RAB3C: variants seen among roughly 807,000 people sequenced by gnomAD.
The protein encoded by RAB3C is RAB3C, member RAS oncogene family.
In RAB3C, 17 loss-of-function variants were observed where a neutral mutation model predicts 26.4. The ratio of observed to expected loss-of-function variants is 0.64; its 90% CI spans 0.44 to 0.97. The LOEUF (loss-of-function observed/expected upper bound fraction) is 0.97, where lower values mean the gene tolerates loss of function less well. Ranked by LOEUF, RAB3C falls within the 50% of genes least tolerant of loss-of-function variation. The pLI, the probability that RAB3C is intolerant of heterozygous loss-of-function variation, is 0.00. For synonymous variants in RAB3C, 91 were observed against 95.9 expected, an observed-to-expected ratio of 0.95 and a Z score of 0.30; for missense variants, 242 against 281.9, an observed-to-expected ratio of 0.86 and a Z score of 1.01.
chr5:58,726,132 C>A lies in RAB3C; in HGVS notation c.371+12C>A, dbSNP rs1407423550. 7.6e-7 allele frequency: 1 copy of A among 1,311,262 alleles called. No individual in the cohort carries two copies. 81.2% of individuals were successfully genotyped at this position (1,311,262 alleles called of 1,614,324 possible). ...GCAGTACAAGATTGGTAAGTCAGAG[C>A]AAATACTCTTATTACTGATAATGAT... On this transcript the variant is annotated intron_variant, in intron 3 of 4. Coordinates refer to ENST00000282878, the MANE Select transcript of RAB3C (RefSeq NM_138453.4).
At chr5:58,676,490 A>T (rs902338249) in intron 2 of RAB3C, among the ~76,000 whole-genome samples, 9 of 152,048 alleles carry the variant, frequency 5.9e-5, no homozygotes, top group Non-Finnish European at 1.2e-4. Context: ...GCAACAGAGC[A>T]AGACTCTGTT....
intron 3 of RAB3C, chr5:58,794,315 C>A (rs1579921833): frequency 1.4e-5 from 2 of 144,888 alleles, no homozygotes; most frequent in African/African-American, 5.2e-5. Flanking sequence ...TAAAAGAAAA[C>A]AGAGGAAGAA....
chr5:58,652,563 A>G (rs1289008769), intron 2 of RAB3C, among the ~76,000 whole-genome samples: 5 of 152,036 alleles, frequency 3.3e-5, no homozygotes, highest in African/African-American at 1.2e-4. Context: ...AGAGGCTGCT[A>G]TTATTCCACC....
At chr5:58,685,971 GAAA>G (rs1159521182) in intron 2 of RAB3C, among the ~76,000 whole-genome samples, 1 of 149,280 alleles carries the variant, frequency 6.7e-6, no homozygotes, top group Non-Finnish European at 1.5e-5. Flanking sequence ...TAATCTGCAG[GAAA>G]TAATTTTAAA....
chr5:58,840,152 C>T (rs1305113975), intron 4 of RAB3C, among the ~76,000 whole-genome samples: 2 of 151,690 alleles, frequency 1.3e-5, no homozygotes, highest in Non-Finnish European at 2.9e-5. Flanking sequence ...GTCCTGTAGG[C>T]TTTATTTATT....
At chr5:58,612,550 A>ATATATATATATATATG (rs1402111652) in intron 1 of RAB3C, among the ~76,000 whole-genome samples, 70 of 91,732 alleles carry the variant, frequency 7.6e-4, no homozygotes, top group African/African-American at 2.9e-3. Flanking sequence ...ATATATATGT[A>ATATATATATATATATG]TATATATATA....
chr5:58,720,178 T>A (rs936299508), intron 2 of RAB3C, among the ~76,000 whole-genome samples: 3 of 151,972 alleles, frequency 2.0e-5, no homozygotes, highest in Non-Finnish European at 4.4e-5. Context: ...GAGTTATGTT[T>A]CATTACTAAT....
Position 58,638,476 on chromosome 5 carries a change from T to A in RAB3C, c.252+20606T>A, listed in dbSNP as rs367552867. ...TCATGGAGTTATATTTATCAATTAT[T>A]TTCTTAAAAATAAATGTATCCAAAA... On this transcript the variant is annotated intron_variant, in intron 2 of 4. Transcript: ENST00000282878. Among the ~76,000 whole-genome samples the A allele has an allele frequency of 7.6e-4, 115 of 152,286 alleles. 3 individuals are homozygous for A. In the South Asian group the frequency reaches 0.023, roughly 30 times the overall value.
Position 58,663,281 on chromosome 5 carries a change from T to C in RAB3C, c.252+45411T>C, listed in dbSNP as rs901974234. Among the ~76,000 whole-genome samples, 6 of 150,058 alleles carry C rather than the reference T, an allele frequency of 4.0e-5. 1 individual carries two copies. Among genetic ancestry groups the C allele is most frequent in the African/African-American group, 1.5e-4 (6 of 39,442 alleles). On this transcript the variant is annotated intron_variant, in intron 2 of 4. Transcript: ENST00000282878. Reference sequence around the variant, plus strand: ...TGCTTTTATCTGTAGACATTATATATGTAAAGATAAGGCTTTGTTGACCAC... The same window carrying C: ...TGCTTTTATCTGTAGACATTATATACGTAAAGATAAGGCTTTGTTGACCAC...
chr5:58,824,908 C>A, intron 3 of RAB3C, 130 bp from the exon 4 acceptor site: 1 of 620,762 alleles, frequency 1.6e-6, no homozygotes, highest in Non-Finnish European at 2.8e-6. Context: ...CTCTAAATGT[C>A]AGGCATTTGG....
chr5:58,758,687 T>G (rs1400970631), intron 3 of RAB3C, among the ~76,000 whole-genome samples: 2 of 152,094 alleles, frequency 1.3e-5, no homozygotes, highest in African/African-American at 2.4e-5. Context: ...TGAAAGGTGT[T>G]TTAAAAGGAA....
rs368310843 is a variant in RAB3C at position 58,767,759 on chromosome 5, C to T, written c.371+41639C>T. 3.4e-4 allele frequency among the ~76,000 whole-genome samples: 52 copies of T among 152,266 alleles called. No individual in the cohort carries two copies. In the South Asian group the frequency reaches 9.3e-3, roughly 27 times the overall value. ...TCACCAAATATTTACTAATCACCTACTATTATGTCACGCATTGTTCTAGGC... is the reference window on the plus strand; with the variant it reads ...TCACCAAATATTTACTAATCACCTATTATTATGTCACGCATTGTTCTAGGC... On this transcript the variant is annotated intron_variant, in intron 3 of 4. Coordinates refer to ENST00000282878, the MANE Select transcript of RAB3C (RefSeq NM_138453.4).
intron 2 of RAB3C, among the ~76,000 whole-genome samples, chr5:58,652,444 T>C (rs775731407): frequency 4.5e-4 from 68 of 151,824 alleles, no homozygotes; most frequent in Non-Finnish European, 6.0e-4. Context: ...TAAAATGTAA[T>C]GAGTTATATT....
At chr5:58,750,689 G>GTTGTA (rs1741502508) in intron 3 of RAB3C, among the ~76,000 whole-genome samples, 1 of 152,116 alleles carries the variant, frequency 6.6e-6, no homozygotes, top group Non-Finnish European at 1.5e-5. Flanking sequence ...GATTCCCCTA[G>GTTGTA]TCAATAGAGT....
intron 2 of RAB3C, among the ~76,000 whole-genome samples, chr5:58,715,019 T>C (rs1749139650): frequency 6.6e-6 from 1 of 152,004 alleles, no homozygotes; most frequent in African/African-American, 2.4e-5. Context: ...TGAAAAGGAC[T>C]TAGAAAATGT....
chr5:58,617,762 C>T lies in RAB3C; in HGVS notation c.144C>T (p.Phe48=). ...NSSVGKTSFL[F]RYADDSFTSA... The stretch of plus-strand genomic sequence containing the variant: ...GTGTGGGGAAAACATCTTTTCTATT[C>T]CGTTATGCAGATGACTCCTTTACAT... Residue 48 remains phenylalanine (F), a synonymous_variant, in exon 2 of 5, where the codon TTC becomes TTT. Transcript: ENST00000282878. 6.2e-7 allele frequency: 1 copy of T among 1,613,720 alleles called. No homozygotes were observed. The highest frequency in any genetic ancestry group is 2.2e-5 in the East Asian group (1 of 44,878).
At chr5:58,849,232 T>G (rs1350379853) in intron 4 of RAB3C, among the ~76,000 whole-genome samples, 1 of 152,202 alleles carries the variant, frequency 6.6e-6, no homozygotes, top group Admixed American at 6.5e-5. Flanking sequence ...AAAATTGAAC[T>G]TGTAAATGAG....
In RAB3C at chr5:58,664,959, T is replaced by A. The variant is rs575484024; in HGVS notation, c.252+47089T>A. ...TGTTCCCACCTTAGGATCTTGGCGC[T>A]GGATGCCTCCAGCCTCTGAAATATG... On this transcript the variant is annotated intron_variant, in intron 2 of 4. Coordinates refer to ENST00000282878, the MANE Select transcript of RAB3C (RefSeq NM_138453.4). 7.9e-5 allele frequency among the ~76,000 whole-genome samples: 12 copies of A among 152,126 alleles called. 1 individual carries two copies. The highest frequency in any genetic ancestry group is 7.2e-5 in the African/African-American group (3 of 41,426).
At chr5:58,747,735 A>T (rs1741429883) in intron 3 of RAB3C, among the ~76,000 whole-genome samples, 1 of 151,146 alleles carries the variant, frequency 6.6e-6, no homozygotes, top group African/African-American at 2.4e-5. Flanking sequence ...ATATGATTTT[A>T]TATATATATG....
Sources: gnomAD v4.1 joint callset for allele counts (sites outside exome capture counted in the v4.1 genomes callset) on GRCh38, gnomAD v4.1.1 for gene constraint, MANE v1.5 for transcripts, NCBI Gene and HGNC (gene_info 2026-07-23, HGNC 2026-07-21) for gene names.